AP3S2: variants seen among roughly 807,000 people sequenced by gnomAD.
AP3S2 encodes adaptor related protein complex 3 subunit sigma 2.
AP3S2 carries 22 observed loss-of-function variants against 23.4 expected under a neutral mutation model. That is an observed-to-expected ratio of 0.94 (90% CI 0.67 to 1.34). The LOEUF (loss-of-function observed/expected upper bound fraction) is 1.34, where lower values mean the gene tolerates loss of function less well. Ranked by LOEUF, AP3S2 falls within the 40% of genes most tolerant of loss-of-function variation. The pLI is 0.00. For missense variants in AP3S2, 241 were observed against 236.9 expected (o/e 1.02, Z -0.11); for synonymous variants, 86 against 87.1 (o/e 0.99, Z 0.07).
At chr15:89,890,021 T>C (rs1298923627) in intron 1 of AP3S2, among the ~76,000 whole-genome samples, 1 of 151,908 alleles carries the variant, frequency 6.6e-6, no homozygotes, top group East Asian at 1.9e-4. Context: ...TTGAGAAAAA[T>C]AGATTACAGA....
At chr15:89,865,807 A>G (rs1896103638) in intron 4 of AP3S2, 2 of 152,248 alleles carry the variant, frequency 1.3e-5, no homozygotes, top group South Asian at 4.1e-4. Flanking sequence ...AAAACAATCT[A>G]ATTCCATCAG....
intron 4 of AP3S2, among the ~76,000 whole-genome samples, chr15:89,856,174 C>A (rs1895831321): frequency 6.6e-6 from 1 of 152,144 alleles, no homozygotes; most frequent in African/African-American, 2.4e-5. Flanking sequence ...CCCAAGGGAG[C>A]AAAGGCAAAG....
chr15:89,866,757 C>G lies in AP3S2; in HGVS notation c.345+4718G>C, dbSNP rs139470679. ...TGCTGGGATTATAGGCGTTAGCCAC[C>G]GCACCCGGCCCCTAGACAACATCTA... On this transcript the variant is annotated intron_variant, in intron 4 of 5. Coordinates refer to ENST00000336418, the MANE Select transcript of AP3S2 (RefSeq NM_005829.5). 1.7e-3 allele frequency among the ~76,000 whole-genome samples: 251 copies of G among 151,678 alleles called. 1 individual carries two copies. The highest frequency in any genetic ancestry group is 5.8e-3 in the African/African-American group (237 of 41,140).
chr15:89,878,175 C>T (rs373535555), intron 3 of AP3S2: 2 of 562,078 alleles, frequency 3.6e-6, no homozygotes, highest in East Asian at 6.3e-5. Context: ...TAATCCAGCA[C>T]AAATAAGCTG....
chr15:89,843,546 A>T (rs1323325288), intron 4 of AP3S2, among the ~76,000 whole-genome samples: 1 of 152,076 alleles, frequency 6.6e-6, no homozygotes, highest in Non-Finnish European at 1.5e-5. Flanking sequence ...GCTGAGGCAG[A>T]ATTGCTTGAA....
chr15:89,839,378 G>T (rs1157172812), intron 4 of AP3S2, among the ~76,000 whole-genome samples: 2 of 152,084 alleles, frequency 1.3e-5, no homozygotes, highest in East Asian at 3.9e-4. Context: ...ATTAACCACT[G>T]TTCTGTCTAC....
chr15:89,878,666 T>C (rs945440130), intron 3 of AP3S2, among the ~76,000 whole-genome samples: 2 of 152,158 alleles, frequency 1.3e-5, no homozygotes, highest in Non-Finnish European at 2.9e-5. Flanking sequence ...GCTCAAGCAA[T>C]CCTTCAACCT....
In AP3S2 at chr15:89,835,381, T is replaced by C. The variant is rs2141830818; in HGVS notation, c.*134A>G. 2 of 1,461,612 alleles carry C rather than the reference T, an allele frequency of 1.4e-6. No homozygotes were observed. Among genetic ancestry groups the C allele is most frequent in the Non-Finnish European group, 1.8e-6 (2 of 1,085,762 alleles). The allele number at this position is 1,461,612 out of a possible 1,614,324, so 90.5% of individuals were successfully genotyped here. On this transcript the variant is annotated 3_prime_UTR_variant, in exon 6 of 6. Coordinates refer to ENST00000336418, the MANE Select transcript of AP3S2 (RefSeq NM_005829.5). ...CTTCCCTATTCCATGCCAAACAGTC[T>C]TCCCCAGACACAAAGTTTCCAGGTC...
rs565510982 is a variant in AP3S2, at chr15:89,861,913, T to G, written c.345+9562A>C. On this transcript the variant is annotated intron_variant, in intron 4 of 5. Coordinates refer to ENST00000336418, the MANE Select transcript of AP3S2 (RefSeq NM_005829.5). ...AGGGTGGTAGGATTTGAGCAGCACT[T>G]GAATGACAGGCAGTATTTAGTACAT... Among the ~76,000 whole-genome samples, 13 of 152,254 alleles carry G rather than the reference T, an allele frequency of 8.5e-5. No homozygotes were observed. In the South Asian group the frequency reaches 2.7e-3, roughly 32 times the overall value.
At chr15:89,846,228 T>C (rs1895483919) in intron 4 of AP3S2, among the ~76,000 whole-genome samples, 1 of 152,236 alleles carries the variant, frequency 6.6e-6, no homozygotes, top group African/African-American at 2.4e-5. Flanking sequence ...AATTTTTCTC[T>C]TGGAACCCCT....
At chr15:89,878,529 C>T (rs1393729738) in intron 3 of AP3S2, among the ~76,000 whole-genome samples, 1 of 152,056 alleles carries the variant, frequency 6.6e-6, no homozygotes, top group East Asian at 1.9e-4. Context: ...ATTTTTTCAC[C>T]CATCAGATTG....
chr15:89,871,023 T>A (rs1896306119), intron 4 of AP3S2, among the ~76,000 whole-genome samples: 1 of 152,234 alleles, frequency 6.6e-6, no homozygotes, highest in Admixed American at 6.5e-5. Flanking sequence ...TGAATTACAT[T>A]ACAGATCTCT....
rs190865919 is a variant in AP3S2, at chr15:89,871,979, C to G, written c.274-433G>C. 3.3e-5 allele frequency among the ~76,000 whole-genome samples: 5 copies of G among 151,766 alleles called. No homozygotes were observed. In the South Asian group the frequency reaches 6.2e-4, roughly 19 times the overall value. On this transcript the variant is annotated intron_variant, in intron 3 of 5. Coordinates refer to ENST00000336418, the MANE Select transcript of AP3S2 (RefSeq NM_005829.5). ...CAAAAATTATCTGGGTGTGGCGACA[C>G]GAGCCTGTTATAGTCCCAGCTACTT...
chr15:89,862,405 A>C (rs1444227148), intron 4 of AP3S2, among the ~76,000 whole-genome samples: 1 of 152,242 alleles, frequency 6.6e-6, no homozygotes, highest in Non-Finnish European at 1.5e-5. Context: ...ATTATATAAG[A>C]ATATCCTTGC....
intron 4 of AP3S2, among the ~76,000 whole-genome samples, chr15:89,843,845 G>A (rs1357354555): frequency 6.6e-6 from 1 of 151,990 alleles, no homozygotes; most frequent in African/African-American, 2.4e-5. Context: ...AAAAACTACG[G>A]CAAAAACTTA....
intron 3 of AP3S2, chr15:89,877,525 C>T (rs1211769068): frequency 6.3e-6 from 4 of 630,834 alleles, no homozygotes; most frequent in African/African-American, 1.9e-5. Flanking sequence ...CAACCATCAC[C>T]ACCATCCATG....
At chr15:89,849,780 C>T (rs1023556382) in intron 4 of AP3S2, among the ~76,000 whole-genome samples, 1 of 152,082 alleles carries the variant, frequency 6.6e-6, no homozygotes, top group Non-Finnish European at 1.5e-5. Flanking sequence ...TTGCACCCAT[C>T]AACTGGTCAT....
Position 89,837,651 on chromosome 15 carries a change from A to C in AP3S2, c.417T>G (p.Ala139=). The change falls in exon 5 of 6, where the codon GCT becomes GCG. Residue 139 remains alanine, a synonymous_variant. Transcript: ENST00000336418. ...CCAGCCTGTTTTGAGCCTCAATCTGAGCCACGATTTCATTCATGTTTGTTT... is the reference window on the plus strand; with the variant it reads ...CCAGCCTGTTTTGAGCCTCAATCTGCGCCACGATTTCATTCATGTTTGTTT... The part of the protein sequence containing the change: ...VLETNMNEIV[A]QIEAQNRLEK... The C allele has an allele frequency of 6.2e-7, 1 of 1,614,156 alleles. No individual in the cohort carries two copies. Among genetic ancestry groups the C allele is most frequent in the Non-Finnish European group, 8.5e-7 (1 of 1,180,030 alleles).
intron 3 of AP3S2, among the ~76,000 whole-genome samples, chr15:89,878,595 C>A (rs962529133): frequency 1.3e-5 from 2 of 152,146 alleles, no homozygotes; most frequent in African/African-American, 4.8e-5. Context: ...AGGTCTTGGT[C>A]TGTCATGCAG....
Sources: allele counts gnomAD v4.1 joint callset (sites outside exome capture counted in the v4.1 genomes callset), GRCh38; gene constraint gnomAD v4.1.1; transcripts MANE v1.5; gene names NCBI Gene and HGNC (gene_info 2026-07-23, HGNC 2026-07-21).